Variants in NBEAL1 observed in about 807,000 individuals in gnomAD.
The protein encoded by NBEAL1 is neurobeachin like 1.
NBEAL1 carries 273 observed loss-of-function variants against 351.3 expected under a neutral mutation model. That is an observed-to-expected ratio of 0.78 (90% CI 0.70 to 0.86). The LOEUF (loss-of-function observed/expected upper bound fraction) is 0.86, where lower values mean the gene tolerates loss of function less well. Among genes scored for constraint, NBEAL1 ranks in the 40% least tolerant of loss-of-function variants. The pLI is 0.00. For missense variants in NBEAL1, 2,961 were observed against 3,201.3 expected (o/e 0.92, Z 1.81); for synonymous variants, 1,050 against 1,086.4 (o/e 0.97, Z 0.66).
chr2:203,105,999 A>T (rs1208121888), intron 12 of NBEAL1, among the ~76,000 whole-genome samples: 1 of 152,164 alleles, frequency 6.6e-6, no homozygotes, highest in Non-Finnish European at 1.5e-5. Flanking sequence ...TATCAATTTG[A>T]TACTAGTTTT....
rs1275830948 is a variant in NBEAL1, at chr2:203,224,496, T to C, written c.*7142T>C. ...ATGAAACATATTTAATTCATCTCTT[T>C]TGTCAGTTTTTCTGGGACTCCAATA... On this transcript the variant is annotated 3_prime_UTR_variant, in exon 56 of 56. Coordinates refer to ENST00000683969, the MANE Select transcript of NBEAL1 (RefSeq NM_001378026.1). Among the ~76,000 whole-genome samples, 1 of 152,172 alleles carries C rather than the reference T, an allele frequency of 6.6e-6. No individual in the cohort carries two copies. The highest frequency in any genetic ancestry group is 2.4e-5 in the African/African-American group (1 of 41,464).
intron 2 of NBEAL1, chr2:203,039,963 T>C (rs2061112059): frequency 2.0e-6 from 1 of 497,824 alleles, no homozygotes; most frequent in Non-Finnish European, 3.5e-6. Context: ...AGGACCATGG[T>C]GGAGGGAACA....
chr2:203,206,681 G>A (rs1480839666), intron 51 of NBEAL1, among the ~76,000 whole-genome samples: 1 of 151,982 alleles, frequency 6.6e-6, no homozygotes, highest in African/African-American at 2.4e-5. Flanking sequence ...TCGGCCTCCC[G>A]AGGTGCCGGG....
chr2:203,036,910 C>T (rs1004657249), intron 2 of NBEAL1, among the ~76,000 whole-genome samples: 1 of 148,778 alleles, frequency 6.7e-6, no homozygotes. Flanking sequence ...TCTGCTGTAT[C>T]GGAGAGGAAC....
chr2:203,192,912 C>G (rs1402011823), intron 46 of NBEAL1, among the ~76,000 whole-genome samples: 1 of 150,084 alleles, frequency 6.7e-6, no homozygotes, highest in Non-Finnish European at 1.5e-5. Context: ...GAAAAGTATG[C>G]AGCAGTACCT....
intron 6 of NBEAL1, among the ~76,000 whole-genome samples, chr2:203,067,422 ACT>A (rs1375935279): frequency 3.3e-5 from 5 of 151,908 alleles, no homozygotes; most frequent in Non-Finnish European, 5.9e-5. Context: ...GGATCTTAGA[ACT>A]CTCTATTTTG....
Position 203,108,272 on chromosome 2 carries a change from G to C in NBEAL1, c.1949+84G>C, listed in dbSNP as rs1002833216. ...TCTTAAACAGGAAAACTGTTTCCAA[G>C]CATCTAGCTTTTAGATATACAGCTT... is the stretch of plus-strand genomic sequence containing the variant. On this transcript the variant is annotated intron_variant, in intron 14 of 55. Transcript: ENST00000683969. 4.6e-6 allele frequency: 5 copies of C among 1,080,810 alleles called. No individual in the cohort carries two copies. In the South Asian group the frequency reaches 8.5e-5, roughly 18 times the overall value. The allele number at this position is 1,080,810 out of a possible 1,614,324, so 67.0% of individuals were successfully genotyped here.
Position 203,127,816 on chromosome 2 carries a change from A to G in NBEAL1, c.3284A>G (p.Asp1095Gly), listed in dbSNP as rs2062976773. The G allele has an allele frequency of 2.0e-6, 3 of 1,521,258 alleles. No individual in the cohort carries two copies. Among genetic ancestry groups the G allele is most frequent in the Non-Finnish European group, 2.7e-6 (3 of 1,118,796 alleles). The allele number at this position is 1,521,258 out of a possible 1,614,324, so 94.2% of individuals were successfully genotyped here. Residue 1095 changes from aspartate (D) to glycine (G), a missense_variant, in exon 24 of 56, where the codon GAT (aspartate) becomes GGT (glycine). Physicochemically the swap from Asp to Gly is moderately conservative, Grantham distance 94. Transcript: ENST00000683969. Reference protein sequence around the residue: ...GCKYNELSLDDIRTIRTSLYG... With the variant: ...GCKYNELSLDGIRTIRTSLYG... The stretch of plus-strand genomic sequence containing the variant: ...AAATATAATGAACTATCTCTAGATG[A>G]TATTCGAACAATAAGGACTTCTTTG...
At chr2:203,156,949 A>G (rs995424993) in intron 35 of NBEAL1, among the ~76,000 whole-genome samples, 10 of 152,174 alleles carry the variant, frequency 6.6e-5, no homozygotes, top group Non-Finnish European at 8.8e-5. Context: ...AATAGTAGCT[A>G]TCATTTATTT....
intron 12 of NBEAL1, among the ~76,000 whole-genome samples, chr2:203,101,293 AAGATTGGATGGCTGT>A (rs1027065931): frequency 6.6e-6 from 1 of 152,166 alleles, no homozygotes; most frequent in Non-Finnish European, 1.5e-5. Flanking sequence ...ATGTTTGTCA[AAGATTGGATGGCTGT>A]AGGTGTGCAG....
At chr2:203,210,632 C>A (rs753768282) in intron 53 of NBEAL1, among the ~76,000 whole-genome samples, 3 of 152,152 alleles carry the variant, frequency 2.0e-5, no homozygotes, top group Non-Finnish European at 4.4e-5. Context: ...CCACTGCACT[C>A]CAGCCTGGGT....
intron 34 of NBEAL1, among the ~76,000 whole-genome samples, chr2:203,150,930 G>A (rs1435664101): frequency 6.6e-6 from 1 of 152,142 alleles, no homozygotes; most frequent in Non-Finnish European, 1.5e-5. Flanking sequence ...AAATAATGTA[G>A]TCTGTTTTAG....
rs2064165399 is a variant in NBEAL1 at position 203,167,342 on chromosome 2, T to C, written c.5979T>C (p.Phe1993=). 3.1e-6 allele frequency: 5 copies of C among 1,608,172 alleles called. No individual in the cohort carries two copies. The Admixed American group carries it at 5.1e-5, about 16-fold the overall frequency. Residue 1993 remains phenylalanine (F), a synonymous_variant, in exon 38 of 56, where the codon TTT becomes TTC. Transcript: ENST00000683969. ...TTCATGTTGACCAATCCAACTACTTTCTCAATTTCAAAAAAGAGGTATGTA... is the reference window on the plus strand; with the variant it reads ...TTCATGTTGACCAATCCAACTACTTCCTCAATTTCAAAAAAGAGGTATGTA... ...EIFHVDQSNY[F]LNFKKEVRNK... is the part of the protein sequence containing the mutation.
intron 31 of NBEAL1, 109 bp from the exon 32 acceptor site, chr2:203,144,491 T>C: frequency 4.8e-6 from 5 of 1,036,848 alleles, no homozygotes; most frequent in Non-Finnish European, 7.0e-6. Context: ...CTTTCACAGT[T>C]CTTGACAGTT....
intron 46 of NBEAL1, among the ~76,000 whole-genome samples, chr2:203,192,188 T>TAA (rs2065109310): frequency 6.6e-6 from 1 of 152,186 alleles, no homozygotes; most frequent in South Asian, 2.1e-4. Flanking sequence ...TACCTTCTGG[T>TAA]ACAGTCAGAA....
chr2:203,116,207 C>CA, intron 18 of NBEAL1, 137 bp downstream of exon 18: 1 of 666,526 alleles, frequency 1.5e-6, no homozygotes, highest in Non-Finnish European at 2.6e-6. Context: ...CATGAATTTT[C>CA]AAAGGAAGGT....
At chr2:203,093,757 A>G (rs763394236) in intron 10 of NBEAL1, among the ~76,000 whole-genome samples, 40 of 152,228 alleles carry the variant, frequency 2.6e-4, no homozygotes, top group Admixed American at 6.5e-4. Context: ...GAGAGGCTGA[A>G]GAATCGTTTG....
intron 14 of NBEAL1, among the ~76,000 whole-genome samples, chr2:203,109,183 ACTGT>A (rs1166506989): frequency 6.6e-6 from 1 of 151,720 alleles, no homozygotes; most frequent in Non-Finnish European, 1.5e-5. Flanking sequence ...ATGGAGAAAC[ACTGT>A]CTGTACTAAA....
At chr2:203,066,626 G>A (rs751646132) in intron 6 of NBEAL1, among the ~76,000 whole-genome samples, 9 of 152,274 alleles carry the variant, frequency 5.9e-5, no homozygotes, top group East Asian at 1.9e-4. Flanking sequence ...CAGACGGGAC[G>A]GGGCGGCCTG....
Sources: gnomAD v4.1 joint callset for allele counts (sites outside exome capture counted in the v4.1 genomes callset) on GRCh38, gnomAD v4.1.1 for gene constraint, MANE v1.5 for transcripts, NCBI Gene and HGNC (gene_info 2026-07-23, HGNC 2026-07-21) for gene names.